Variants in NOC4L observed in about 807,000 individuals in gnomAD.
NOC4L encodes nucleolar complex protein 4 homolog.
NOC4L carries 40 observed loss-of-function variants against 62.8 expected under a neutral mutation model. The observed-to-expected ratio is 0.64, with a 90% CI of 0.49 to 0.83. The LOEUF is 0.83. Among genes scored for constraint, NOC4L ranks in the 40% least tolerant of loss-of-function variants. The probability of loss-of-function intolerance (pLI) is 0.00; values close to 1 mark genes in which losing one functional copy is unlikely to be tolerated. For missense variants in NOC4L, 927 were observed against 701.9 expected (o/e 1.32, Z -3.62); for synonymous variants, 433 against 299.8 (o/e 1.44, Z -4.59).
At chr12:132,146,099 C>T (rs1897709602) in intron 3 of NOC4L, 1 of 388,374 alleles carries the variant, frequency 2.6e-6, no homozygotes, top group Non-Finnish European at 5.3e-6. Flanking sequence ...GCCGCTATCC[C>T]AGAACATCTT....
In NOC4L at chr12:132,147,896, G is replaced by C. The variant is rs755943915; in HGVS notation, c.620G>C (p.Trp207Ser). 3 of 1,608,454 alleles carry C rather than the reference G, an allele frequency of 1.9e-6. No individual in the cohort carries two copies. The highest frequency in any genetic ancestry group is 3.3e-4 in the Middle Eastern group (2 of 6,054). The part of the protein sequence containing the change: ...GQHPEVPPAF[W>S]NNAFTLLSAV... ...GCTCCGCAGGTGCCCCCCGCCTTTT[G>C]GAACAATGCCTTCACGCTGCTGTCT... Residue 207 changes from tryptophan (W) to serine (S), a missense_variant, in exon 6 of 15, where the codon TGG becomes TCG. Trp to Ser is a radical substitution (Grantham distance 177). Coordinates refer to ENST00000330579, the MANE Select transcript of NOC4L (RefSeq NM_024078.3).
chr12:132,146,279 T>G lies in NOC4L; in HGVS notation c.345+614T>G, dbSNP rs1317211646. The stretch of plus-strand genomic sequence containing the variant: ...GGGGATCATACGGTATGTGGCTTCT[T>G]CCACTCATCGGCGTGTTCGAAGTTC... On this transcript the variant is annotated intron_variant, in intron 3 of 14. Coordinates refer to ENST00000330579, the MANE Select transcript of NOC4L (RefSeq NM_024078.3). The G allele has an allele frequency of 6.6e-6, 3 of 456,080 alleles. No individual in the cohort carries two copies. In the East Asian group the frequency reaches 2.1e-4, roughly 32 times the overall value. 28.3% of individuals were successfully genotyped at this position (456,080 alleles called of 1,614,324 possible). A position where few individuals can be genotyped will look rare whatever the true frequency, so the allele number is the denominator to read the frequency against.
intron 3 of NOC4L, 150 bp from the exon 4 acceptor site, chr12:132,147,131 G>A (rs993473978): frequency 3.8e-6 from 2 of 525,962 alleles, no homozygotes; most frequent in East Asian, 3.3e-5. Flanking sequence ...AGCCCAGAGT[G>A]GCATCTGGTG....
chr12:132,152,200 G>C lies in NOC4L; in HGVS notation c.1431+3G>C, dbSNP rs549478171. On this transcript the variant is annotated splice_donor_region_variant and intron_variant, in intron 14 of 14. Transcript: ENST00000330579. ...TGCTGGAGCTCACGGCCTACGAGGT[G>C]CGGAACTGGGCCAGGGTGCGAGGGT... The C allele has an allele frequency of 7.4e-6, 12 of 1,611,034 alleles. No individual in the cohort carries two copies. The African/African-American group carries it at 1.6e-4, about 21-fold the overall frequency.
Position 132,147,713 on chromosome 12 carries a change from C to G in NOC4L, c.534C>G (p.Asp178Glu), listed in dbSNP as rs199638081. Residue 178 changes from aspartate (D) to glutamate (E), a missense_variant, in exon 5 of 15, where the codon GAC becomes GAG. By Grantham distance (45) the Asp-to-Glu change is conservative. Transcript: ENST00000330579. ...AGTTCCGGGAGTACCTGGACTACGA[C>G]GACACCCGCTACCACACCATGCAGG... ...LSQFREYLDY[D>E]DTRYHTMQAA... The G allele has an allele frequency of 3.2e-5, 51 of 1,612,874 alleles. No homozygotes were observed. Among genetic ancestry groups the G allele is most frequent in the Non-Finnish European group, 3.3e-5 (39 of 1,179,950 alleles).
At chr12:132,150,819 C>T (rs1238266658) in intron 9 of NOC4L, 162 bp from the exon 10 acceptor site, 1 of 626,516 alleles carries the variant, frequency 1.6e-6, no homozygotes, top group Non-Finnish European at 2.8e-6. Flanking sequence ...CCACCCCCCA[C>T]TCCCCTGCCC....
At chr12:132,145,072 C>T (rs1288593884) in intron 2 of NOC4L, 98 bp downstream of exon 2, 2 of 1,450,874 alleles carry the variant, frequency 1.4e-6, no homozygotes, top group Non-Finnish European at 9.2e-7. Flanking sequence ...TGGCACAGGC[C>T]GTGCAGGCTG....
At position 132,144,885 on chromosome 12, in the gene NOC4L, T is replaced by C. The variant is rs1230717544; in HGVS notation, c.149T>C (p.Val50Ala). The change falls in exon 2 of 15, where the codon GTC becomes GCC. Residue 50 changes from valine (V) to alanine (A), a missense_variant. Val to Ala is a moderately conservative substitution (Grantham distance 64). Coordinates refer to ENST00000330579, the MANE Select transcript of NOC4L (RefSeq NM_024078.3). ...SEDQEEIQEA[V>A]RTCSRLFGAL... ...GACCAGGAGGAGATCCAGGAAGCAGTCCGCACGTGCAGCCGTCTTTTCGGG... is the reference window on the plus strand; with the variant it reads ...GACCAGGAGGAGATCCAGGAAGCAGCCCGCACGTGCAGCCGTCTTTTCGGG... 1 of 1,602,262 alleles carries C rather than the reference T, an allele frequency of 6.2e-7. No individual in the cohort carries two copies. The highest frequency in any genetic ancestry group is 8.5e-7 in the Non-Finnish European group (1 of 1,175,988).
chr12:132,145,528 ACG>A, intron 2 of NOC4L, 29 bp from the exon 3 acceptor site: 1 of 1,498,198 alleles, frequency 6.7e-7, no homozygotes, highest in Non-Finnish European at 9.2e-7. Flanking sequence ...TGTGGGCCTC[ACG>A]TGGGCTGACC....
intron 3 of NOC4L, among the ~76,000 whole-genome samples, chr12:132,145,942 A>G (rs550098026): frequency 2.2e-4 from 33 of 152,322 alleles, no homozygotes; most frequent in African/African-American, 7.9e-4. Context: ...GCCAGTCCAC[A>G]GATGTGTTTG....
intron 1 of NOC4L, 66 bp downstream of exon 1, chr12:132,144,671 G>T (rs1897639388): frequency 6.9e-7 from 1 of 1,454,992 alleles, no homozygotes; most frequent in South Asian, 1.4e-5. Flanking sequence ...GGGGGGCTGC[G>T]GCGGCAGGTC....
chr12:132,152,444 C>T lies in NOC4L; in HGVS notation c.*43C>T. The stretch of plus-strand genomic sequence containing the variant: ...ATAAATCTCAGCTGACCCCAGCCCA[C>T]CTGTGAATAAATGTTTTTGCAGGAG... On this transcript the variant is annotated 3_prime_UTR_variant, in exon 15 of 15. Coordinates refer to ENST00000330579, the MANE Select transcript of NOC4L (RefSeq NM_024078.3). 1.3e-6 allele frequency: 2 copies of T among 1,533,714 alleles called. No individual in the cohort carries two copies. The highest frequency in any genetic ancestry group is 2.4e-5 in the East Asian group (1 of 41,498).
Position 132,150,670 on chromosome 12 carries a change from TCATACCACACC to T in NOC4L, c.902-309_902-299del, listed in dbSNP as rs1897893582. ...CCCTCGGTGAGTGCCGCCGCCTCGC[TCATACCACACC>T]CCTAATCCCCTCGGTGAGTGCCGCC... is the stretch of plus-strand genomic sequence containing the variant. On this transcript the variant is annotated intron_variant, in intron 9 of 14. Coordinates refer to ENST00000330579, the MANE Select transcript of NOC4L (RefSeq NM_024078.3). 1.1e-4 allele frequency among the ~76,000 whole-genome samples: 3 copies of T among 27,270 alleles called. 1 individual carries two copies. Among genetic ancestry groups the T allele is most frequent in the Admixed American group, 6.7e-4 (2 of 2,976 alleles). 17.9% of individuals were successfully genotyped at this position (27,270 alleles called of 152,430 possible).
chr12:132,148,237 G>A (rs568332604), intron 7 of NOC4L, 131 bp downstream of exon 7: 31 of 914,822 alleles, frequency 3.4e-5, no homozygotes, highest in South Asian at 1.4e-4. Context: ...CAGCTTGCAC[G>A]GCCACCAGGT....
At chr12:132,146,172 C>A in intron 3 of NOC4L, 1 of 447,112 alleles carries the variant, frequency 2.2e-6, no homozygotes. Flanking sequence ...CCCTTTCCAC[C>A]CCCAGCCCCA....
rs553610168 is a variant in NOC4L at position 132,146,673 on chromosome 12, C to T, written c.346-608C>T. On this transcript the variant is annotated intron_variant, in intron 3 of 14. Transcript: ENST00000330579. ...ACTTTTAAATGTTGGGGAGATACCA[C>T]GTGAAAATAACCAGTTTCCACCTTC... 3.8e-3 allele frequency among the ~76,000 whole-genome samples: 571 copies of T among 152,266 alleles called. 4 individuals carry two copies. The highest frequency in any genetic ancestry group is 0.013 in the African/African-American group (530 of 41,556).
At position 132,147,899 on chromosome 12, in the gene NOC4L, A is replaced by T; in HGVS notation, c.623A>T (p.Asn208Ile). 1 of 1,608,150 alleles carries T rather than the reference A, an allele frequency of 6.2e-7. No individual in the cohort carries two copies. Among genetic ancestry groups the T allele is most frequent in the Non-Finnish European group, 8.5e-7 (1 of 1,178,504 alleles). The change falls in exon 6 of 15, where the codon AAC (asparagine) becomes ATC (isoleucine). Residue 208 changes from asparagine to isoleucine, a missense_variant. Physicochemically the swap from Asn to Ile is moderately radical, Grantham distance 149. Transcript: ENST00000330579. ...QHPEVPPAFW[N>I]NAFTLLSAVS... The stretch of plus-strand genomic sequence containing the variant: ...CCGCAGGTGCCCCCCGCCTTTTGGA[A>T]CAATGCCTTCACGCTGCTGTCTGCC...
At chr12:132,144,755 C>T (rs1472216135) in intron 1 of NOC4L, 99 bp from the exon 2 acceptor site, 1 of 1,488,110 alleles carries the variant, frequency 6.7e-7, no homozygotes, top group African/African-American at 1.4e-5. Flanking sequence ...GGTGACGGGG[C>T]TGGCGTCCCG....
intron 6 of NOC4L, 46 bp downstream of exon 6, chr12:132,148,025 T>C: frequency 6.2e-7 from 1 of 1,613,096 alleles, no homozygotes. Flanking sequence ...AGCCTTGGTC[T>C]GCCTCCCCTG....
Sources: gnomAD v4.1 joint callset for allele counts (sites outside exome capture counted in the v4.1 genomes callset) on GRCh38, gnomAD v4.1.1 for gene constraint, MANE v1.5 for transcripts, NCBI Gene and HGNC (gene_info 2026-07-23, HGNC 2026-07-21) for gene names.